The following AKAP10 variants were observed in gnomAD, a reference collection of about 807,000 sequenced individuals.
AKAP10 encodes the protein A-kinase anchor protein 10, mitochondrial.
Under a neutral mutation model 80.8 loss-of-function variants are expected in AKAP10, and 24 were observed. The ratio of observed to expected loss-of-function variants is 0.30; its 90% confidence interval spans 0.22 to 0.42. AKAP10 has a LOEUF of 0.42. AKAP10 is among the 10% of genes least tolerant of loss of function. The pLI is 1.00. For synonymous variants in AKAP10, 291 were observed against 277.7 expected (o/e 1.05, Z -0.48); for missense variants, 661 against 794.9 (o/e 0.83, Z 2.03).
chr17:19,964,763 C>A (rs1386318139), intron 2 of AKAP10, among the ~76,000 whole-genome samples: 3 of 152,116 alleles, frequency 2.0e-5, no homozygotes, highest in Non-Finnish European at 4.4e-5. Context: ...CTTGGTGGCA[C>A]AAGCCTGTAA....
intron 9 of AKAP10, among the ~76,000 whole-genome samples, chr17:19,934,489 A>G (rs1195016992): frequency 1.3e-5 from 2 of 152,174 alleles, no homozygotes; most frequent in Non-Finnish European, 2.9e-5. Context: ...CTGGAACTAT[A>G]GGTGCATGCC....
In AKAP10 at chr17:19,947,467, T is replaced by C. The variant is rs987611716; in HGVS notation, c.916A>G (p.Ile306Val). The change falls in exon 5 of 15, where the codon ATA becomes GTA. Residue 306 changes from isoleucine (I) to valine (V), a missense_variant. Coordinates refer to ENST00000225737, the MANE Select transcript of AKAP10 (RefSeq NM_007202.4). ...ATTGGTTTAGCAGCATCTGGAGATA[T>C]ATATTTGGTAAAAGTATTCACTGCA... The part of the protein sequence containing the change: ...QDAVNTFTKY[I>V]SPDAAKPIPI... The C allele has an allele frequency of 8.1e-6, 13 of 1,613,194 alleles. No individual in the cohort carries two copies. The highest frequency in any genetic ancestry group is 1.1e-5 in the Non-Finnish European group (13 of 1,179,338).
In AKAP10 at chr17:19,958,820, G is replaced by C. The variant is rs145466444; in HGVS notation, c.320-249C>G. On this transcript the variant is annotated intron_variant, in intron 3 of 14. Transcript: ENST00000225737. ...CAATAATTCTCATATCTCTTTTAATGGCAATTCAGACCATGTAAATTCTTT... is the reference window on the plus strand; with the variant it reads ...CAATAATTCTCATATCTCTTTTAATCGCAATTCAGACCATGTAAATTCTTT... Among the ~76,000 whole-genome samples the C allele has an allele frequency of 2.6e-3, 394 of 149,232 alleles. 1 individual carries two copies. Among genetic ancestry groups the C allele is most frequent in the African/African-American group, 9.1e-3 (372 of 40,666 alleles).
intron 14 of AKAP10, among the ~76,000 whole-genome samples, chr17:19,906,567 G>C (rs545371502): frequency 4.6e-5 from 7 of 152,282 alleles, no homozygotes; most frequent in African/African-American, 1.7e-4. Context: ...ATTAACCCTA[G>C]AGCATATTCA....
intron 12 of AKAP10, among the ~76,000 whole-genome samples, chr17:19,911,835 CAAAAAAAAAAAAAAAAAAAAA>C (rs71157844): frequency 7.3e-5 from 4 of 55,006 alleles, no homozygotes; most frequent in African/African-American, 1.0e-4. Context: ...AACTCTGTCA[CAAAAAAAAAAAAAAAAAAAAA>C]AAAAAAAAAA....
At chr17:19,933,003 A>G (rs1298931083) in intron 9 of AKAP10, among the ~76,000 whole-genome samples, 1 of 152,040 alleles carries the variant, frequency 6.6e-6, no homozygotes, top group Non-Finnish European at 1.5e-5. Context: ...TTCGTATTTA[A>G]TACGTGCCTT....
chr17:19,931,978 C>T lies in AKAP10; in HGVS notation c.1468G>A (p.Val490Ile). The part of the protein sequence containing the change: ...LRQAWTTMEK[V>I]FLPGFLSSNL... ...CTGGACAAAAAGCCAGGCAAAAAGACCTGATAGAGATGAAAAGCATTATTT... is the reference window on the plus strand; with the variant it reads ...CTGGACAAAAAGCCAGGCAAAAAGATCTGATAGAGATGAAAAGCATTATTT... The change falls in exon 10 of 15, where the codon GTC becomes ATC. Residue 490 changes from valine (V) to isoleucine (I), a missense_variant and splice_region_variant. Coordinates refer to ENST00000225737, the MANE Select transcript of AKAP10 (RefSeq NM_007202.4). The T allele has an allele frequency of 6.2e-7, 1 of 1,608,448 alleles. No homozygotes were observed. The highest frequency in any genetic ancestry group is 8.5e-7 in the Non-Finnish European group (1 of 1,177,774).
At chr17:19,935,029 A>G (rs1418404596) in intron 9 of AKAP10, among the ~76,000 whole-genome samples, 1 of 152,098 alleles carries the variant, frequency 6.6e-6, no homozygotes, top group Admixed American at 6.6e-5. Flanking sequence ...CAATCAATCA[A>G]TCAATCAATA....
chr17:19,950,062 GGAGGCC>G lies in AKAP10; in HGVS notation c.878-2563_878-2558del, dbSNP rs1342116944. On this transcript the variant is annotated intron_variant, in intron 4 of 14. Coordinates refer to ENST00000225737, the MANE Select transcript of AKAP10 (RefSeq NM_007202.4). Reference sequence around the variant, plus strand: ...TCACGCCTGTAATCCCAGCACTTTGGGAGGCCGAGGCAGGTGGATCACTTGAGGTCA... The same window carrying G: ...TCACGCCTGTAATCCCAGCACTTTGGGAGGCAGGTGGATCACTTGAGGTCA... Among the ~76,000 whole-genome samples the G allele has an allele frequency of 3.9e-5, 6 of 152,250 alleles. No homozygotes were observed. The East Asian group carries it at 1.2e-3, about 29-fold the overall frequency.
Position 19,977,643 on chromosome 17 carries a change from G to C in AKAP10, c.37C>G (p.Arg13Gly), listed in dbSNP as rs1160761542. Residue 13 changes from arginine (R) to glycine (G), a missense_variant, in exon 1 of 15, where the codon CGC becomes GGC. Physicochemically the swap from Arg to Gly is moderately radical, Grantham distance 125 (BLOSUM62 -2). Coordinates refer to ENST00000225737, the MANE Select transcript of AKAP10 (RefSeq NM_007202.4). ...GGGCCCGGGTCGGGACGGAGGGTGC[G>C]GGGGGACTGGCGCGGGGAGGGCCCG... ...GAGPSPRQSP[R>G]TLRPDPGPAM... The C allele has an allele frequency of 4.0e-6, 5 of 1,235,198 alleles. No homozygotes were observed. Among genetic ancestry groups the C allele is most frequent in the Non-Finnish European group, 5.1e-6 (5 of 987,946 alleles). 76.5% of individuals were successfully genotyped at this position (1,235,198 alleles called of 1,614,324 possible). A position where few individuals can be genotyped will look rare whatever the true frequency, so the allele number is the denominator to read the frequency against.
chr17:19,952,732 T>C (rs2043229371), intron 4 of AKAP10, among the ~76,000 whole-genome samples: 1 of 152,080 alleles, frequency 6.6e-6, no homozygotes, highest in East Asian at 1.9e-4. Context: ...CCAGAAGATA[T>C]CATCCTGAAT....
intron 1 of AKAP10, among the ~76,000 whole-genome samples, chr17:19,970,239 G>A (rs745759678): frequency 1.3e-5 from 2 of 152,028 alleles, no homozygotes; most frequent in Non-Finnish European, 2.9e-5. Flanking sequence ...CCAAAATTCC[G>A]GAAGTCATCC....
intron 12 of AKAP10, among the ~76,000 whole-genome samples, chr17:19,910,432 C>G (rs2042677948): frequency 6.6e-6 from 1 of 151,650 alleles, no homozygotes; most frequent in Admixed American, 6.6e-5. Context: ...CCCCAAAACA[C>G]TAAGGAATGT....
At chr17:19,974,124 G>A (rs544815783) in intron 1 of AKAP10, among the ~76,000 whole-genome samples, 179 of 152,172 alleles carry the variant, frequency 1.2e-3, no homozygotes, top group Middle Eastern at 6.8e-3. Context: ...CCCAGGAGGC[G>A]GAGGTTGCAG....
chr17:19,970,731 A>T (rs1382788893), intron 1 of AKAP10, among the ~76,000 whole-genome samples: 1 of 152,070 alleles, frequency 6.6e-6, no homozygotes, highest in East Asian at 1.9e-4. Context: ...GCTGAGGCAG[A>T]AGAATCGCTT....
chr17:19,921,098 C>T (rs1267737864), intron 11 of AKAP10, among the ~76,000 whole-genome samples: 1 of 150,586 alleles, frequency 6.6e-6, no homozygotes, highest in Non-Finnish European at 1.5e-5. Flanking sequence ...CCTGAACAAT[C>T]AAGAGACATA....
intron 2 of AKAP10, among the ~76,000 whole-genome samples, chr17:19,963,800 G>C (rs1159114878): frequency 6.6e-6 from 1 of 151,998 alleles, no homozygotes; most frequent in Non-Finnish European, 1.5e-5. Flanking sequence ...GGAGACCGAG[G>C]CAGGAGAATT....
chr17:19,969,081 C>T (rs892087506), intron 1 of AKAP10, among the ~76,000 whole-genome samples: 7 of 152,310 alleles, frequency 4.6e-5, no homozygotes, highest in Non-Finnish European at 7.3e-5. Flanking sequence ...CGGTGGCTCA[C>T]GCCTGTAATT....
At chr17:19,920,012 AT>A (rs1295907071) in intron 12 of AKAP10, 23 bp downstream of exon 12, 1 of 1,582,988 alleles carries the variant, frequency 6.3e-7, no homozygotes, top group South Asian at 1.1e-5. Flanking sequence ...AAGGCTTAAT[AT>A]GAAGTATAAA....
Sources: gnomAD v4.1 joint callset for allele counts (sites outside exome capture counted in the v4.1 genomes callset) on GRCh38, gnomAD v4.1.1 for gene constraint, MANE v1.5 for transcripts, NCBI Gene and HGNC (gene_info 2026-07-23, HGNC 2026-07-21) for gene names.